GPHN: variants seen among roughly 807,000 people sequenced by gnomAD.
GPHN encodes the protein gephyrin.
GPHN carries 17 observed loss-of-function variants against 95.5 expected under a neutral mutation model. The observed-to-expected ratio is 0.18, with a 90% confidence interval of 0.12 to 0.27. The LOEUF is 0.27. Among genes scored for constraint, GPHN ranks in the 10% least tolerant of loss-of-function variants. The probability of loss-of-function intolerance (pLI) is 1.00; values close to 1 mark genes in which losing one functional copy is unlikely to be tolerated. For synonymous variants in GPHN, 320 were observed against 322.5 expected (o/e 0.99, Z 0.08); for missense variants, 660 against 978.1 (o/e 0.67, Z 4.34).
chr14:66,640,867 G>A (rs1311863460), intron 1 of GPHN, among the ~76,000 whole-genome samples: 1 of 152,128 alleles, frequency 6.6e-6, no homozygotes, highest in East Asian at 1.9e-4. Context: ...TGTATCTGTA[G>A]TAAAGCTTAT....
At chr14:67,725,000 G>C in the GPHN span, 1 of 1,338,446 alleles carries the variant, frequency 7.5e-7, no homozygotes. Flanking sequence ...GGATGGCTGG[G>C]AGAATGAATG....
intron 5 of GPHN, among the ~76,000 whole-genome samples, chr14:66,898,454 G>C (rs929748726): frequency 2.6e-5 from 3 of 115,944 alleles, no homozygotes; most frequent in African/African-American, 1.0e-4. Context: ...ACTTGCTCCA[G>C]TGCTACTTGT....
chr14:67,201,028 G>A, the GPHN span, among the ~76,000 whole-genome samples: 1 of 152,194 alleles, frequency 6.6e-6, no homozygotes, highest in Admixed American at 6.5e-5. Context: ...GGGTGCAGTG[G>A]CTCATGGCTA....
At chr14:66,718,127 G>C (rs1351539068) in intron 2 of GPHN, among the ~76,000 whole-genome samples, 2 of 152,138 alleles carry the variant, frequency 1.3e-5, no homozygotes, top group African/African-American at 2.4e-5. Context: ...GTCCGGAATT[G>C]GTTCCTTCCA....
At chr14:66,995,371 G>C (rs1026753664) in intron 9 of GPHN, among the ~76,000 whole-genome samples, 1 of 152,168 alleles carries the variant, frequency 6.6e-6, no homozygotes, top group Non-Finnish European at 1.5e-5. Flanking sequence ...GTCTGTTGAA[G>C]AGTTGTGTGT....
intron 1 of GPHN, among the ~76,000 whole-genome samples, chr14:66,641,415 A>T (rs1164790807): frequency 6.6e-6 from 1 of 152,196 alleles, no homozygotes; most frequent in African/African-American, 2.4e-5. Flanking sequence ...TTCTCAGGAT[A>T]TAGCCTCATT....
At chr14:66,546,927 ATGAC>A (rs908601424) in intron 1 of GPHN, among the ~76,000 whole-genome samples, 53 of 152,348 alleles carry the variant, frequency 3.5e-4, no homozygotes, top group African/African-American at 1.3e-3. Flanking sequence ...GCCTCAAACA[ATGAC>A]TGACATTTTG....
intron 16 of GPHN, among the ~76,000 whole-genome samples, chr14:67,119,303 G>A (rs1207212421): frequency 6.6e-6 from 1 of 152,180 alleles, no homozygotes; most frequent in African/African-American, 2.4e-5. Context: ...TTCTCAGAAG[G>A]AAATAGTTTG....
intron 5 of GPHN, among the ~76,000 whole-genome samples, chr14:66,898,734 A>C (rs572689430): frequency 6.6e-6 from 1 of 151,926 alleles, no homozygotes; most frequent in Admixed American, 6.6e-5. Context: ...TTTTCCATGT[A>C]AATTTTAGAA....
intron 1 of GPHN, among the ~76,000 whole-genome samples, chr14:66,589,057 G>A (rs2061535710): frequency 6.6e-6 from 1 of 152,170 alleles, no homozygotes; most frequent in South Asian, 2.1e-4. Context: ...CTACAAGCCA[G>A]AAGAGAGTGG....
chr14:67,406,935 T>A, the GPHN span, among the ~76,000 whole-genome samples: 1 of 152,134 alleles, frequency 6.6e-6, no homozygotes, highest in Non-Finnish European at 1.5e-5. Context: ...TTTAGGTTTC[T>A]TGTCTGTAAT....
At chr14:67,592,481 T>C in the GPHN span, 29 of 581,758 alleles carry the variant, frequency 5.0e-5, no homozygotes, top group East Asian at 8.5e-4. Flanking sequence ...AGGAATACAT[T>C]TGCCTCAGAG....
At chr14:67,075,547 G>A (rs2076462914) in intron 11 of GPHN, among the ~76,000 whole-genome samples, 1 of 152,062 alleles carries the variant, frequency 6.6e-6, no homozygotes. Context: ...TCCTATAGTG[G>A]ATCTGAGCAA....
chr14:66,596,334 A>ACC (rs1186639038), intron 1 of GPHN, among the ~76,000 whole-genome samples: 1 of 151,952 alleles, frequency 6.6e-6, no homozygotes, highest in Non-Finnish European at 1.5e-5. Flanking sequence ...GCTGTCTCTG[A>ACC]CCTGAAGATG....
At position 66,596,923 on chromosome 14, in the gene GPHN, A is replaced by G. The variant is rs762134787; in HGVS notation, c.65-84184A>G. Among the ~76,000 whole-genome samples, 112 of 152,302 alleles carry G rather than the reference A, an allele frequency of 7.4e-4. 1 individual carries two copies. Among genetic ancestry groups the G allele is most frequent in the Non-Finnish European group, 1.0e-3 (71 of 68,012 alleles). On this transcript the variant is annotated intron_variant, in intron 1 of 22. Coordinates refer to ENST00000478722, the MANE Select transcript of GPHN (RefSeq NM_020806.5). The stretch of plus-strand genomic sequence containing the variant: ...CCCACTGCATCTGGTGTCATTGATG[A>G]TGCCAGGGATTGATTGACACCATTC...
the GPHN span, among the ~76,000 whole-genome samples, chr14:67,468,621 C>T: frequency 6.6e-6 from 1 of 152,130 alleles, no homozygotes; most frequent in African/African-American, 2.4e-5. Flanking sequence ...CAGGCGCCCA[C>T]TGACTAGAGT....
intron 1 of GPHN, among the ~76,000 whole-genome samples, chr14:66,661,025 A>C (rs2065612009): frequency 6.6e-6 from 1 of 152,210 alleles, no homozygotes; most frequent in Admixed American, 6.5e-5. Flanking sequence ...TCAGGCATGC[A>C]TGGAGACCCG....
chr14:66,808,451 T>C (rs2060635426), intron 3 of GPHN, among the ~76,000 whole-genome samples: 1 of 152,230 alleles, frequency 6.6e-6, no homozygotes, highest in Non-Finnish European at 1.5e-5. Flanking sequence ...AGGAGTTCAG[T>C]GTCAGCTACA....
the GPHN span, among the ~76,000 whole-genome samples, chr14:67,506,216 C>G: frequency 1.3e-5 from 2 of 152,064 alleles, no homozygotes; most frequent in African/African-American, 2.4e-5. Flanking sequence ...TGGGACTCTG[C>G]TTCATAAAGC....
Sources: gnomAD v4.1 joint callset for allele counts (sites outside exome capture counted in the v4.1 genomes callset) on GRCh38, gnomAD v4.1.1 for gene constraint, MANE v1.5 for transcripts, NCBI Gene and HGNC (gene_info 2026-07-23, HGNC 2026-07-21) for gene names.